RAPGEF1: variants seen among roughly 807,000 people sequenced by gnomAD.
RAPGEF1 encodes the protein CRK SH3-binding GNRP.
In RAPGEF1, 33 loss-of-function variants were observed where a neutral mutation model predicts 143.3. The observed-to-expected ratio is 0.23, with a 90% CI of 0.17 to 0.31. The LOEUF (loss-of-function observed/expected upper bound fraction) is 0.31, where lower values mean the gene tolerates loss of function less well. RAPGEF1 is among the 10% of genes least tolerant of loss of function. The probability of loss-of-function intolerance (pLI) is 1.00; values close to 1 mark genes in which losing one functional copy is unlikely to be tolerated. For missense variants in RAPGEF1, 1,199 were observed against 1,645.4 expected (o/e 0.73, Z 4.69); for synonymous variants, 629 against 676.5 (o/e 0.93, Z 1.09).
chr9:131,718,924 G>A (rs573578968), intron 1 of RAPGEF1, among the ~76,000 whole-genome samples: 3 of 152,266 alleles, frequency 2.0e-5, no homozygotes, highest in South Asian at 2.1e-4. Context: ...TACAGAGCAC[G>A]TACACTTGAT....
At chr9:131,591,722 G>A (rs1002066963) in intron 18 of RAPGEF1, among the ~76,000 whole-genome samples, 1 of 152,190 alleles carries the variant, frequency 6.6e-6, no homozygotes, top group African/African-American at 2.4e-5. Context: ...TGCCGGAGCC[G>A]ACCATGAGGG....
chr9:131,628,609 C>A lies in RAPGEF1; in HGVS notation c.957G>T (p.Val319=). ...TGGTGGCTCGGCTCATGGGGGCCAC[C>A]ACAGCCACTCGGGTAGGGGACGGCG... The part of the protein sequence containing the change: ...QSAPSPTRVA[V]VAPMSRATSG... Residue 319 remains valine, a synonymous_variant, in exon 8 of 27, where the codon GTG becomes GTT. Transcript: ENST00000683357. This position sits in a 1 kb window ranked among gnomAD's most constrained non-coding sequence, Gnocchi z 5.7. 1 of 1,613,324 alleles carries A rather than the reference C, an allele frequency of 6.2e-7. No individual in the cohort carries two copies. The highest frequency in any genetic ancestry group is 1.3e-5 in the African/African-American group (1 of 75,044).
chr9:131,632,264 G>C (rs1384527349), intron 5 of RAPGEF1, among the ~76,000 whole-genome samples: 1 of 151,538 alleles, frequency 6.6e-6, no homozygotes, highest in Non-Finnish European at 1.5e-5. Flanking sequence ...GAGTAGCTGG[G>C]ACTACAGGCA....
chr9:131,627,074 C>T (rs765206518), intron 9 of RAPGEF1, among the ~76,000 whole-genome samples: 3 of 151,904 alleles, frequency 2.0e-5, no homozygotes, highest in South Asian at 2.1e-4. Context: ...ATTAGCCGGG[C>T]GTGGTGGCAC....
chr9:131,616,752 C>T (rs894381678), intron 12 of RAPGEF1, among the ~76,000 whole-genome samples: 1 of 152,136 alleles, frequency 6.6e-6, no homozygotes, highest in Admixed American at 6.6e-5. Context: ...TGAAGAAAGT[C>T]AGGAATAAAG....
intron 16 of RAPGEF1, among the ~76,000 whole-genome samples, chr9:131,597,153 G>A (rs1955442432): frequency 6.6e-6 from 1 of 152,224 alleles, no homozygotes; most frequent in Non-Finnish European, 1.5e-5. Flanking sequence ...TGTAACGCTG[G>A]AGGGACGGAA....
chr9:131,710,291 C>T (rs1315685185), intron 1 of RAPGEF1, among the ~76,000 whole-genome samples: 1 of 152,102 alleles, frequency 6.6e-6, no homozygotes. Flanking sequence ...AACATCAAAA[C>T]ACTGCTACAC....
chr9:131,599,665 T>A (rs771748709), intron 15 of RAPGEF1, among the ~76,000 whole-genome samples: 1 of 152,058 alleles, frequency 6.6e-6, no homozygotes, highest in Admixed American at 6.6e-5. Context: ...GTGTCCAAGA[T>A]GAGTCTCCCA....
rs142668253 is a variant in RAPGEF1, at chr9:131,669,589, G to A, written c.62-18640C>T. On this transcript the variant is annotated intron_variant, in intron 1 of 26. Coordinates refer to ENST00000683357, the MANE Select transcript of RAPGEF1 (RefSeq NM_001377935.1). ...GAGGGCAGTTCAGGCTCCTTCCTCC[G>A]AACTGGAGGAGAAAGCGTCAACTCG... Among the ~76,000 whole-genome samples the A allele has an allele frequency of 3.4e-3, 521 of 152,234 alleles. 4 individuals carry two copies. The highest frequency in any genetic ancestry group is 6.4e-3 in the South Asian group (31 of 4,822).
At chr9:131,579,693 G>C in intron 26 of RAPGEF1, 46 bp from the exon 27 acceptor site, 1 of 1,596,284 alleles carries the variant, frequency 6.3e-7, no homozygotes, top group South Asian at 1.1e-5. Context: ...TGTGTGGGCT[G>C]GATGGCCCGA....
intron 1 of RAPGEF1, among the ~76,000 whole-genome samples, chr9:131,723,450 C>T (rs1446393553): frequency 1.3e-5 from 2 of 152,228 alleles, no homozygotes; most frequent in African/African-American, 4.8e-5. Context: ...CTTCCAGCCC[C>T]TGGCAGCCAC....
rs1274901882 is a variant in RAPGEF1 at position 131,621,750 on chromosome 9, C to T, written c.1905+46G>A. Reference sequence around the variant, plus strand: ...GGAGGGTCATTCTGGTTCCTAGAGACCTGCTAGGATCGGAAGTTCTAGTCA... The same window carrying T: ...GGAGGGTCATTCTGGTTCCTAGAGATCTGCTAGGATCGGAAGTTCTAGTCA... On this transcript the variant is annotated intron_variant, in intron 11 of 26. Coordinates refer to ENST00000683357, the MANE Select transcript of RAPGEF1 (RefSeq NM_001377935.1). This position sits in a 1 kb window ranked among gnomAD's most constrained non-coding sequence, Gnocchi z 4.5. The T allele has an allele frequency of 1.3e-6, 2 of 1,529,928 alleles. No individual in the cohort carries two copies. Among genetic ancestry groups the T allele is most frequent in the Non-Finnish European group, 1.8e-6 (2 of 1,129,180 alleles). The allele number at this position is 1,529,928 out of a possible 1,614,324, so 94.8% of individuals were successfully genotyped here.
rs10690802 is a variant in RAPGEF1, at chr9:131,627,213, C to CAAAAAAAAAAAAAAAA, written c.1201+684_1201+699dup. ...TGGGTGACAGAGTGAGGCTCTGTCT[C>CAAAAAAAAAAAAAAAA]AAAAAAAAAAAAAAAAAAAAAAAAA... is the stretch of plus-strand genomic sequence containing the variant. On this transcript the variant is annotated intron_variant, in intron 9 of 26. Coordinates refer to ENST00000683357, the MANE Select transcript of RAPGEF1 (RefSeq NM_001377935.1). Among the ~76,000 whole-genome samples, 47 of 97,390 alleles carry CAAAAAAAAAAAAAAAA rather than the reference C, an allele frequency of 4.8e-4. 1 individual carries two copies. Among genetic ancestry groups the CAAAAAAAAAAAAAAAA allele is most frequent in the East Asian group, 2.7e-3 (7 of 2,612 alleles). 63.9% of individuals were successfully genotyped at this position (97,390 alleles called of 152,430 possible). A position where few individuals can be genotyped will look rare whatever the true frequency, so the allele number is the denominator to read the frequency against.
chr9:131,688,606 T>C (rs1327769745), intron 1 of RAPGEF1, among the ~76,000 whole-genome samples: 1 of 152,192 alleles, frequency 6.6e-6, no homozygotes, highest in Non-Finnish European at 1.5e-5. Context: ...CTAGAAACTA[T>C]TACAATGAAG....
rs1203338780 is a variant in RAPGEF1 at position 131,619,183 on chromosome 9, G to T, written c.1929C>A (p.Phe643Leu). The change falls in exon 12 of 27, where the codon TTC (phenylalanine) becomes TTA (leucine). Residue 643 changes from phenylalanine to leucine, a missense_variant. By Grantham distance (22) the Phe-to-Leu change is conservative (BLOSUM62 0). This residue lies in a region of RAPGEF1 where 293 missense variants were observed against 356.2 expected (regional missense o/e 0.82). Coordinates refer to ENST00000683357, the MANE Select transcript of RAPGEF1 (RefSeq NM_001377935.1). Reference sequence around the variant, plus strand: ...GCTGGACACAGTGGGAGACAGAGGAGAAGGAAGAAGCAGCACAGGAGGCCT... The same window carrying T: ...GCTGGACACAGTGGGAGACAGAGGATAAGGAAGAAGCAGCACAGGAGGCCT... Reference protein sequence around the residue: ...RQLASCAASSFSSVSHCVQQT... With the variant: ...RQLASCAASSLSSVSHCVQQT... 14 of 1,306,330 alleles carry T rather than the reference G, an allele frequency of 1.1e-5. No individual in the cohort carries two copies. The highest frequency in any genetic ancestry group is 1.4e-5 in the Non-Finnish European group (14 of 990,378). 80.9% of individuals were successfully genotyped at this position (1,306,330 alleles called of 1,614,324 possible).
rs1830634438 is a variant in RAPGEF1, at chr9:131,667,532, A to C, written c.62-16583T>G. Among the ~76,000 whole-genome samples the C allele has an allele frequency of 6.6e-6, 1 of 152,236 alleles. No individual in the cohort carries two copies. The highest frequency in any genetic ancestry group is 2.4e-5 in the African/African-American group (1 of 41,464). Reference sequence around the variant, plus strand: ...AGGTCTGGTGATGGAATGCATGGAAAAAGAGGCAGTCTTCTATTGTTTCAA... The same window carrying C: ...AGGTCTGGTGATGGAATGCATGGAACAAGAGGCAGTCTTCTATTGTTTCAA... On this transcript the variant is annotated intron_variant, in intron 1 of 26. Transcript: ENST00000683357. This position sits in a 1 kb window ranked among gnomAD's most constrained non-coding sequence, Gnocchi z 4.6.
intron 14 of RAPGEF1, among the ~76,000 whole-genome samples, chr9:131,602,807 C>T (rs1389460693): frequency 6.6e-6 from 1 of 152,116 alleles, no homozygotes; most frequent in African/African-American, 2.4e-5. Context: ...GGTCCCTGGG[C>T]TGGCCCTACT....
chr9:131,595,037 G>A (rs1488471332), intron 17 of RAPGEF1, among the ~76,000 whole-genome samples: 1 of 152,280 alleles, frequency 6.6e-6, no homozygotes, highest in East Asian at 1.9e-4. Flanking sequence ...GGATGCTGCT[G>A]ATCACGCCCC....
In RAPGEF1 at chr9:131,580,428, G is replaced by T. The variant is rs766949573; in HGVS notation, c.3513-37C>A. Reference sequence around the variant, plus strand: ...GGTTAGGCAGCCTGTTACTGCTACGGGGTTTGGAAGCAGCAAGGGCTAGAG... The same window carrying T: ...GGTTAGGCAGCCTGTTACTGCTACGTGGTTTGGAAGCAGCAAGGGCTAGAG... On this transcript the variant is annotated intron_variant, in intron 25 of 26. Transcript: ENST00000683357. The T allele has an allele frequency of 2.5e-6, 4 of 1,603,002 alleles. No homozygotes were observed. The South Asian group carries it at 4.4e-5, about 18-fold the overall frequency.
Sources: allele counts gnomAD v4.1 joint callset (sites outside exome capture counted in the v4.1 genomes callset), GRCh38; gene constraint gnomAD v4.1.1; regional missense constraint gnomAD v4.1.1; non-coding constraint Gnocchi (gnomAD v3.1); transcripts MANE v1.5; gene names NCBI Gene and HGNC (gene_info 2026-07-23, HGNC 2026-07-21).